The following TYW1B variants were observed in gnomAD, a reference collection of about 807,000 sequenced individuals.
TYW1B encodes S-adenosyl-L-methionine-dependent tRNA 4-demethylwyosine synthase TYW1B.
TYW1B carries 73 observed loss-of-function variants against 86.9 expected under a neutral mutation model. The ratio of observed to expected loss-of-function variants is 0.84; its 90% CI spans 0.70 to 1.02. TYW1B has a LOEUF of 1.02. Ranked by LOEUF, TYW1B falls within the 50% of genes least tolerant of loss-of-function variation. The pLI is 0.00. For synonymous variants in TYW1B, 248 were observed against 292.8 expected (o/e 0.85, Z 1.56); for missense variants, 637 against 827.4 (o/e 0.77, Z 2.82).
intron 9 of TYW1B, among the ~76,000 whole-genome samples, chr7:72,717,033 G>C (rs1207716329): frequency 2.0e-5 from 3 of 152,010 alleles, no homozygotes; most frequent in African/African-American, 7.2e-5. Context: ...GGGCACGGCA[G>C]CTCATGCCTG....
chr7:72,825,720 G>C (rs1788918578), intron 2 of TYW1B, among the ~76,000 whole-genome samples: 2 of 152,154 alleles, frequency 1.3e-5, no homozygotes, highest in African/African-American at 2.4e-5. Flanking sequence ...TGATGTGAAA[G>C]TCAGGCCCAT....
intron 11 of TYW1B, among the ~76,000 whole-genome samples, chr7:72,642,625 G>T (rs1455410119): frequency 6.6e-6 from 1 of 152,222 alleles, no homozygotes; most frequent in African/African-American, 2.4e-5. Flanking sequence ...GTTCTAGGCT[G>T]GGCGCAGTGG....
intron 11 of TYW1B, among the ~76,000 whole-genome samples, chr7:72,653,629 C>T (rs1250154041): frequency 7.5e-4 from 37 of 49,102 alleles, no homozygotes; most frequent in African/African-American, 2.4e-3. Flanking sequence ...TAATAATATA[C>T]CTGCTAACCA....
intron 11 of TYW1B, among the ~76,000 whole-genome samples, chr7:72,679,627 G>GT (rs1269613144): frequency 6.6e-6 from 1 of 152,170 alleles, no homozygotes; most frequent in Non-Finnish European, 1.5e-5. Flanking sequence ...GGTGGTAATA[G>GT]TTGCATATAA....
At chr7:72,631,619 C>A (rs2129568755) in intron 11 of TYW1B, among the ~76,000 whole-genome samples, 1 of 152,198 alleles carries the variant, frequency 6.6e-6, no homozygotes, top group African/African-American at 2.4e-5. Context: ...ATCAAAGCAA[C>A]AAGGCCAGGA....
intron 2 of TYW1B, among the ~76,000 whole-genome samples, chr7:72,821,308 A>G (rs1788824322): frequency 1.3e-5 from 2 of 152,230 alleles, no homozygotes; most frequent in South Asian, 4.1e-4. Flanking sequence ...GAAAGATTCT[A>G]CAAAAAATAC....
intron 11 of TYW1B, among the ~76,000 whole-genome samples, chr7:72,671,803 C>T (rs1813606915): frequency 6.7e-6 from 1 of 149,586 alleles, no homozygotes; most frequent in Admixed American, 6.7e-5. Context: ...CAACTTTATT[C>T]ACTTTATTAA....
intron 12 of TYW1B, among the ~76,000 whole-genome samples, chr7:72,626,095 T>C (rs536896116): frequency 6.6e-6 from 1 of 151,792 alleles, no homozygotes; most frequent in South Asian, 2.1e-4. Flanking sequence ...AGTTTGTATC[T>C]TTGCATCATT....
Position 72,694,813 on chromosome 7 carries a change from C to A in TYW1B, c.1380G>T (p.Glu460Asp). 1 of 1,582,996 alleles carries A rather than the reference C, an allele frequency of 6.3e-7. No individual in the cohort carries two copies. The highest frequency in any genetic ancestry group is 1.7e-4 in the Middle Eastern group (1 of 5,882). The change falls in exon 11 of 14, where the codon GAG becomes GAT. Residue 460 changes from glutamate (E) to aspartate (D), a missense_variant. Coordinates refer to ENST00000620995, the MANE Select transcript of TYW1B (RefSeq NM_001145440.3). ...AQFPAEIRNL[E>D]PVTQLYVSVD... The stretch of plus-strand genomic sequence containing the variant: ...CACTGACATACAGCTGAGTAACTGG[C>A]TCGAGGTTCCTTAGTAATTTTTTTT...
intron 13 of TYW1B, among the ~76,000 whole-genome samples, chr7:72,603,567 C>T (rs145935790): frequency 1.3e-5 from 2 of 152,160 alleles, no homozygotes; most frequent in Admixed American, 1.3e-4. Context: ...GGACCACACA[C>T]GGTGATTTCC....
chr7:72,644,826 C>CTTT (rs371295909), intron 11 of TYW1B, among the ~76,000 whole-genome samples: 115 of 119,608 alleles, frequency 9.6e-4, no homozygotes, highest in African/African-American at 2.8e-3. Context: ...CATGACTTTC[C>CTTT]TTTTTTTTTT....
rs146621071 is a variant in TYW1B at position 72,710,086 on chromosome 7, A to T, written c.1370+3535T>A. The stretch of plus-strand genomic sequence containing the variant: ...GGACGTTTTCGGGTAAATATCTTAT[A>T]TCATACTCTATAATTTTCCTCAATC... On this transcript the variant is annotated intron_variant, in intron 10 of 13. Transcript: ENST00000620995. 2.5e-3 allele frequency among the ~76,000 whole-genome samples: 380 copies of T among 152,296 alleles called. 1 individual carries two copies. Among genetic ancestry groups the T allele is most frequent in the African/African-American group, 6.5e-3 (271 of 41,552 alleles).
chr7:72,712,045 C>A (rs1786678927), intron 10 of TYW1B, among the ~76,000 whole-genome samples: 1 of 151,910 alleles, frequency 6.6e-6, no homozygotes, highest in Non-Finnish European at 1.5e-5. Context: ...ACAGCATGTG[C>A]CTAGTCCCAG....
chr7:72,782,319 C>T (rs1554471787), intron 6 of TYW1B, among the ~76,000 whole-genome samples: 1 of 152,004 alleles, frequency 6.6e-6, no homozygotes. Flanking sequence ...AAAAATCATA[C>T]AATACCACTT....
chr7:72,592,301 T>C (rs1169586566), intron 13 of TYW1B, among the ~76,000 whole-genome samples: 1 of 152,184 alleles, frequency 6.6e-6, no homozygotes, highest in Non-Finnish European at 1.5e-5. Flanking sequence ...TTTTGTATGC[T>C]GTTGAAGTTA....
At chr7:72,715,430 T>C (rs1180819694) in intron 9 of TYW1B, among the ~76,000 whole-genome samples, 2 of 152,202 alleles carry the variant, frequency 1.3e-5, no homozygotes, top group Non-Finnish European at 2.9e-5. Context: ...GTACTGCTCT[T>C]GACTCAATGT....
At chr7:72,796,631 C>T (rs1554474509) in intron 6 of TYW1B, among the ~76,000 whole-genome samples, 2 of 151,350 alleles carry the variant, frequency 1.3e-5, no homozygotes, top group African/African-American at 4.9e-5. Context: ...GTAAGAAACC[C>T]TTCGAGTTGG....
chr7:72,632,264 A>AAT lies in TYW1B; in HGVS notation c.1507-3269_1507-3268dup, dbSNP rs567073853. 5.8e-3 allele frequency among the ~76,000 whole-genome samples: 618 copies of AAT among 105,712 alleles called. 13 individuals carry two copies. Among genetic ancestry groups the AAT allele is most frequent in the African/African-American group, 0.016 (391 of 24,952 alleles). The allele number at this position is 105,712 out of a possible 152,430, so 69.4% of individuals were successfully genotyped here. A position where few individuals can be genotyped will look rare whatever the true frequency, so the allele number is the denominator to read the frequency against. On this transcript the variant is annotated intron_variant, in intron 11 of 13. Coordinates refer to ENST00000620995, the MANE Select transcript of TYW1B (RefSeq NM_001145440.3). ...ACAGAGCAAGACCCTGTCTCCAAAA[A>AAT]ATATATATATATATATACGTGTATA...
intron 8 of TYW1B, among the ~76,000 whole-genome samples, chr7:72,735,848 C>A (rs1787188116): frequency 3.7e-5 from 4 of 108,030 alleles, no homozygotes; most frequent in Admixed American, 2.1e-4. Context: ...CCAGCCTGGG[C>A]AAAAGAGCGA....
Sources: allele counts gnomAD v4.1 joint callset (sites outside exome capture counted in the v4.1 genomes callset), GRCh38; gene constraint gnomAD v4.1.1; transcripts MANE v1.5; gene names NCBI Gene and HGNC (gene_info 2026-07-23, HGNC 2026-07-21).